Variants in PLA2R1 observed in about 807,000 individuals in gnomAD.
PLA2R1 encodes secretory phospholipase A2 receptor.
In PLA2R1, 158 loss-of-function variants were observed where a neutral mutation model predicts 195.9. The observed-to-expected ratio is 0.81, with a 90% CI of 0.71 to 0.92. PLA2R1 has a LOEUF of 0.92. Among genes scored for constraint, PLA2R1 ranks in the 40% least tolerant of loss-of-function variants. The pLI is 0.00. For synonymous variants in PLA2R1, 586 were observed against 598.2 expected (o/e 0.98, Z 0.30); for missense variants, 1,626 against 1,764.6 (o/e 0.92, Z 1.41).
At position 160,044,956 on chromosome 2, in the gene PLA2R1, T is replaced by C. The variant is rs750545331; in HGVS notation, c.311A>G (p.Tyr104Cys). 1.5e-5 allele frequency: 24 copies of C among 1,614,160 alleles called. No homozygotes were observed. Among genetic ancestry groups the C allele is most frequent in the Non-Finnish European group, 1.8e-5 (21 of 1,180,002 alleles). ...GGAAACGAGGGTGGAGTCACATTCA[T>C]ATAAGCTTAATGGCTGCTCTGGGGC... is the stretch of plus-strand genomic sequence containing the variant. ...FSAPEQPLSL[Y>C]ECDSTLVSLR... The change falls in exon 2 of 30, where the codon TAT (tyrosine) becomes TGT (cysteine). Residue 104 changes from tyrosine (Y) to cysteine (C), a missense_variant. Tyr to Cys is a radical substitution (Grantham distance 194, BLOSUM62 -2). Coordinates refer to ENST00000283243, the MANE Select transcript of PLA2R1 (RefSeq NM_007366.5).
In PLA2R1 at chr2:159,942,166, T is replaced by C. The variant is rs1397444085; in HGVS notation, c.4145-7A>G. 1.2e-6 allele frequency: 2 copies of C among 1,604,906 alleles called. No individual in the cohort carries two copies. The highest frequency in any genetic ancestry group is 2.7e-5 in the African/African-American group (2 of 74,552). ...GCCTCTGCAGTGTGAATATCTAAAA[T>C]CAAATACAAAAATTAAAATGAGGTT... On this transcript the variant is annotated splice_polypyrimidine_tract_variant and splice_region_variant and intron_variant, in intron 28 of 29. Transcript: ENST00000283243.
intron 11 of PLA2R1, among the ~76,000 whole-genome samples, chr2:159,995,212 A>G (rs1485127442): frequency 6.6e-6 from 1 of 152,128 alleles, no homozygotes; most frequent in African/African-American, 2.4e-5. Flanking sequence ...AAAAAGATTT[A>G]CATTTTCATC....
chr2:160,012,638 C>T (rs954905401), intron 10 of PLA2R1, among the ~76,000 whole-genome samples: 10 of 152,100 alleles, frequency 6.6e-5, no homozygotes, highest in Admixed American at 3.9e-4. Flanking sequence ...TTTGGCTGGG[C>T]GCGGTGGCTC....
intron 20 of PLA2R1, among the ~76,000 whole-genome samples, chr2:159,965,133 G>A (rs998304713): frequency 2.0e-5 from 3 of 152,104 alleles, no homozygotes; most frequent in Non-Finnish European, 4.4e-5. Context: ...TGTTACAATC[G>A]ATGAACCTGC....
chr2:159,934,464 A>G lies in PLA2R1; in HGVS notation c.*7314T>C, dbSNP rs865835718. On this transcript the variant is annotated 3_prime_UTR_variant, in exon 30 of 30. Transcript: ENST00000283243. The stretch of plus-strand genomic sequence containing the variant: ...TCTGAGACATGAGAGAAAAAATGTC[A>G]TATAGCAGTGGTCCTCAAACTTTTT... 4 of 152,214 alleles carry G rather than the reference A, an allele frequency of 2.6e-5. No homozygotes were observed. Among genetic ancestry groups the G allele is most frequent in the Non-Finnish European group, 5.9e-5 (4 of 68,038 alleles). The allele number at this position is 152,214 out of a possible 1,614,324, so 9.4% of individuals were successfully genotyped here. A position where few individuals can be genotyped will look rare whatever the true frequency, so the allele number is the denominator to read the frequency against.
chr2:159,974,880 C>T (rs532654595), intron 17 of PLA2R1, among the ~76,000 whole-genome samples: 9 of 152,204 alleles, frequency 5.9e-5, no homozygotes, highest in African/African-American at 2.2e-4. Context: ...GACAGTAAAT[C>T]CCCATGAACT....
chr2:159,955,610 T>C, intron 22 of PLA2R1, 88 bp downstream of exon 22: 1 of 565,604 alleles, frequency 1.8e-6, no homozygotes, highest in Non-Finnish European at 2.8e-6. Context: ...ACCTACAAAA[T>C]ATAGGAAATA....
Position 160,044,775 on chromosome 2 carries a change from T to A in PLA2R1, c.492A>T (p.Lys164Asn). ...GGGDICEYLH[K>N]DLHTIKGNTH... ...AGTGCTTCTTTAAATTATTTTTACC[T>A]TTGTGTAGATATTCACAAATGTCTC... The change falls in exon 2 of 30, where the codon AAA becomes AAT. Residue 164 changes from lysine (K) to asparagine (N), a missense_variant and splice_region_variant. Transcript: ENST00000283243. The A allele has an allele frequency of 6.2e-7, 1 of 1,607,196 alleles. No homozygotes were observed. The highest frequency in any genetic ancestry group is 1.7e-4 in the Middle Eastern group (1 of 6,044).
chr2:159,986,465 G>A (rs1176884964), intron 12 of PLA2R1, among the ~76,000 whole-genome samples: 2 of 152,242 alleles, frequency 1.3e-5, no homozygotes, highest in South Asian at 4.1e-4. Flanking sequence ...AAAACCTCCT[G>A]TCAGAGCTAG....
chr2:159,955,129 T>C lies in PLA2R1; in HGVS notation c.3301+70A>G, dbSNP rs1180051779. On this transcript the variant is annotated intron_variant, in intron 23 of 29. Transcript: ENST00000283243. ...GTTAGCTACATTAGCTACACAGCTG[T>C]GTAAAACCAACATGAAAGAGAAGGA... is the stretch of plus-strand genomic sequence containing the variant. 19 of 1,220,270 alleles carry C rather than the reference T, an allele frequency of 1.6e-5. No individual in the cohort carries two copies. The Admixed American group carries it at 3.6e-4, about 23-fold the overall frequency. 75.6% of individuals were successfully genotyped at this position (1,220,270 alleles called of 1,614,324 possible). A position where few individuals can be genotyped will look rare whatever the true frequency, so the allele number is the denominator to read the frequency against.
intron 3 of PLA2R1, among the ~76,000 whole-genome samples, chr2:160,033,528 A>T (rs1335209251): frequency 1.3e-5 from 2 of 152,266 alleles, no homozygotes; most frequent in Non-Finnish European, 2.9e-5. Context: ...ATGTTATTTC[A>T]AAGGCATTTC....
At position 160,062,290 on chromosome 2, in the gene PLA2R1, C is replaced by G; in HGVS notation, c.109+5G>C. 6.8e-7 allele frequency: 1 copy of G among 1,477,316 alleles called. No homozygotes were observed. The highest frequency in any genetic ancestry group is 2.8e-5 in the East Asian group (1 of 35,662). The allele number at this position is 1,477,316 out of a possible 1,614,324, so 91.5% of individuals were successfully genotyped here. ...CGATCCAGTCCCCGACCCTGGGAGA[C>G]TCACCCTGCCACTCCAGGAGCCGCT... On this transcript the variant is annotated splice_donor_5th_base_variant and intron_variant, in intron 1 of 29. Transcript: ENST00000283243.
intron 10 of PLA2R1, among the ~76,000 whole-genome samples, chr2:160,010,986 C>T (rs1233607801): frequency 6.6e-6 from 1 of 152,202 alleles, no homozygotes; most frequent in African/African-American, 2.4e-5. Context: ...GCAATCTGGA[C>T]AGGCGTAGGA....
chr2:159,977,183 A>G, intron 15 of PLA2R1, 101 bp downstream of exon 15: 2 of 865,142 alleles, frequency 2.3e-6, no homozygotes, highest in East Asian at 5.0e-5. Flanking sequence ...TTATTTTATC[A>G]TGCAATTTGT....
At chr2:160,008,612 A>G (rs1050119141) in intron 10 of PLA2R1, among the ~76,000 whole-genome samples, 1 of 152,210 alleles carries the variant, frequency 6.6e-6, no homozygotes, top group Non-Finnish European at 1.5e-5. Context: ...GAAACACAGG[A>G]AAAAGACTTC....
At chr2:159,987,713 A>G (rs796445870) in intron 11 of PLA2R1, among the ~76,000 whole-genome samples, 14 of 152,312 alleles carry the variant, frequency 9.2e-5, no homozygotes, top group African/African-American at 2.9e-4. Flanking sequence ...AAAAATCAAC[A>G]ATGAAAGGTG....
At chr2:159,995,928 C>T (rs1335150127) in intron 11 of PLA2R1, among the ~76,000 whole-genome samples, 1 of 151,972 alleles carries the variant, frequency 6.6e-6, no homozygotes, top group Non-Finnish European at 1.5e-5. Context: ...ACCCAAAGTC[C>T]CTCTTATCCC....
chr2:159,951,617 T>C, intron 23 of PLA2R1, 39 bp from the exon 24 acceptor site: 6 of 1,038,310 alleles, frequency 5.8e-6, no homozygotes, highest in Non-Finnish European at 9.1e-6. Context: ...TTGCAGCATC[T>C]GGATGACAAA....
intron 7 of PLA2R1, among the ~76,000 whole-genome samples, chr2:160,021,746 TACTC>T (rs992402971): frequency 6.6e-6 from 1 of 152,220 alleles, no homozygotes; most frequent in African/African-American, 2.4e-5. Context: ...ATGTAAGAAA[TACTC>T]ACTTGTACCT....
Sources: allele counts gnomAD v4.1 joint callset (sites outside exome capture counted in the v4.1 genomes callset), GRCh38; gene constraint gnomAD v4.1.1; transcripts MANE v1.5; gene names NCBI Gene and HGNC (gene_info 2026-07-23, HGNC 2026-07-21).